The following RTRAF variants were observed in gnomAD, a reference collection of about 807,000 sequenced individuals.
RTRAF encodes RNA transcription, translation and transport factor.
In RTRAF, 14 loss-of-function variants were observed where a neutral mutation model predicts 34.4. The observed-to-expected ratio is 0.41, with a 90% CI of 0.27 to 0.64. The LOEUF (loss-of-function observed/expected upper bound fraction) is 0.64. Ranked by LOEUF, RTRAF falls within the 30% of genes least tolerant of loss-of-function variation. The pLI is 0.34. For missense variants in RTRAF, 291 were observed against 288.4 expected, an observed-to-expected ratio of 1.01 and a Z score of -0.06; for synonymous variants, 96 against 95.3, an observed-to-expected ratio of 1.01 and a Z score of -0.04.
In RTRAF at chr14:52,005,218, T is replaced by G; in HGVS notation, c.*702T>G. 2 of 345,326 alleles carry G rather than the reference T, an allele frequency of 5.8e-6. No homozygotes were observed. Among genetic ancestry groups the G allele is most frequent in the Middle Eastern group, 7.8e-4 (1 of 1,274 alleles). 21.4% of individuals were successfully genotyped at this position (345,326 alleles called of 1,614,324 possible). A position where few individuals can be genotyped will look rare whatever the true frequency, so the allele number is the denominator to read the frequency against. On this transcript the variant is annotated 3_prime_UTR_variant, in exon 8 of 8. Coordinates refer to ENST00000261700, the MANE Select transcript of RTRAF (RefSeq NM_016039.3). ...TCTTTTAAATATTAATGATAAATGTTTACAAGAAGTTGCTTTAATAAGCAA... is the reference window on the plus strand; with the variant it reads ...TCTTTTAAATATTAATGATAAATGTGTACAAGAAGTTGCTTTAATAAGCAA...
chr14:51,996,676 T>C (rs910360421), intron 3 of RTRAF, among the ~76,000 whole-genome samples: 8 of 152,036 alleles, frequency 5.3e-5, no homozygotes, highest in Non-Finnish European at 7.4e-5. Flanking sequence ...CTTTTTACTC[T>C]TAAACACTTT....
At chr14:52,004,268 CTA>C (rs769365008) in intron 7 of RTRAF, 26 bp downstream of exon 7, 31 of 1,609,524 alleles carry the variant, frequency 1.9e-5, no homozygotes, top group African/African-American at 4.1e-5. Flanking sequence ...TAAATTCAAA[CTA>C]TTTTTTTTAC....
At chr14:52,001,673 G>T (rs866686738) in intron 5 of RTRAF, 125 bp from the exon 6 acceptor site, 3 of 674,824 alleles carry the variant, frequency 4.4e-6, no homozygotes, top group Middle Eastern at 5.4e-4. Context: ...TTAATGGGGA[G>T]TTTATTAATG....
At position 52,008,785 on chromosome 14, in the gene RTRAF, G is replaced by C. The variant is rs1289585304; in HGVS notation, c.*4269G>C. The C allele has an allele frequency of 2.0e-5, 3 of 152,174 alleles. No individual in the cohort carries two copies. Among genetic ancestry groups the C allele is most frequent in the Non-Finnish European group, 2.9e-5 (2 of 68,028 alleles). The allele number at this position is 152,174 out of a possible 1,614,324, so 9.4% of individuals were successfully genotyped here. A position where few individuals can be genotyped will look rare whatever the true frequency, so the allele number is the denominator to read the frequency against. The stretch of plus-strand genomic sequence containing the variant: ...ATGGAACTTGAAGAGATGTGGACCA[G>C]GGATTTGAGAAGGAAACTGTTCTTT... On this transcript the variant is annotated 3_prime_UTR_variant, in exon 8 of 8. Coordinates refer to ENST00000261700, the MANE Select transcript of RTRAF (RefSeq NM_016039.3).
At position 52,005,525 on chromosome 14, in the gene RTRAF, G is replaced by A. The variant is rs1215014780; in HGVS notation, c.*1009G>A. 2 of 1,592,494 alleles carry A rather than the reference G, an allele frequency of 1.3e-6. No homozygotes were observed. The highest frequency in any genetic ancestry group is 1.8e-5 in the Admixed American group (1 of 55,576). On this transcript the variant is annotated 3_prime_UTR_variant, in exon 8 of 8. Coordinates refer to ENST00000261700, the MANE Select transcript of RTRAF (RefSeq NM_016039.3). ...TGAGAGAAGAGCAGGGGTGGGACAG[G>A]GTGGTGGGTGAGTATATTGTAACCA...
chr14:52,006,622 C>T lies in RTRAF; in HGVS notation c.*2106C>T, dbSNP rs960718658. The T allele has an allele frequency of 5.3e-5, 86 of 1,613,774 alleles. No individual in the cohort carries two copies. Among genetic ancestry groups the T allele is most frequent in the Non-Finnish European group, 7.0e-5 (83 of 1,179,800 alleles). Reference sequence around the variant, plus strand: ...AGGTTGTTTTGAATGACACGCCGTCCAGTTCCATCAGGTAGTGTACACTCC... The same window carrying T: ...AGGTTGTTTTGAATGACACGCCGTCTAGTTCCATCAGGTAGTGTACACTCC... On this transcript the variant is annotated 3_prime_UTR_variant, in exon 8 of 8. Coordinates refer to ENST00000261700, the MANE Select transcript of RTRAF (RefSeq NM_016039.3).
At chr14:51,992,237 T>A (rs964012786) in intron 2 of RTRAF, among the ~76,000 whole-genome samples, 21 of 152,222 alleles carry the variant, frequency 1.4e-4, no homozygotes, top group African/African-American at 5.1e-4. Flanking sequence ...TGTCATTTCT[T>A]ACATTAAACA....
At chr14:51,991,250 C>T in intron 1 of RTRAF, 67 bp from the exon 2 acceptor site, 1 of 1,474,676 alleles carries the variant, frequency 6.8e-7, no homozygotes, top group Non-Finnish European at 9.4e-7. Context: ...TATATCTGAA[C>T]ATATACCTGA....
chr14:51,992,452 CAT>C lies in RTRAF; in HGVS notation c.186+1013_186+1014del, dbSNP rs1890448493. On this transcript the variant is annotated intron_variant, in intron 2 of 7. Transcript: ENST00000261700. ...GTGAGGGTAACAATGATACCTATCT[CAT>C]AAGTGTGGCTTTGTTTTTAATGAGT... 4.6e-5 allele frequency among the ~76,000 whole-genome samples: 7 copies of C among 152,282 alleles called. No individual in the cohort carries two copies. The South Asian group carries it at 1.5e-3, about 32-fold the overall frequency.
chr14:51,993,108 A>G (rs543514104), intron 2 of RTRAF, among the ~76,000 whole-genome samples: 1 of 146,580 alleles, frequency 6.8e-6, no homozygotes, highest in Admixed American at 6.9e-5. Flanking sequence ...AACACCTGGA[A>G]TGACAGTAAG....
Position 52,006,153 on chromosome 14 carries a change from T to A in RTRAF, c.*1637T>A, listed in dbSNP as rs1296495019. 1 of 410,606 alleles carries A rather than the reference T, an allele frequency of 2.4e-6. No individual in the cohort carries two copies. Among genetic ancestry groups the A allele is most frequent in the Non-Finnish European group, 4.5e-6 (1 of 220,868 alleles). 25.4% of individuals were successfully genotyped at this position (410,606 alleles called of 1,614,324 possible). ...AACTAGTCTAAATAGTATTTTTCGG[T>A]CCCTCAGACAATATGTCCACAGTGT... On this transcript the variant is annotated 3_prime_UTR_variant, in exon 8 of 8. Coordinates refer to ENST00000261700, the MANE Select transcript of RTRAF (RefSeq NM_016039.3).
intron 6 of RTRAF, among the ~76,000 whole-genome samples, chr14:52,003,677 G>C (rs1890646548): frequency 6.6e-6 from 1 of 152,118 alleles, no homozygotes; most frequent in Non-Finnish European, 1.5e-5. Context: ...TTGTTTCAAA[G>C]TAACTTCCAA....
At chr14:51,995,503 C>T (rs142353677) in intron 3 of RTRAF, among the ~76,000 whole-genome samples, 3 of 152,196 alleles carry the variant, frequency 2.0e-5, no homozygotes, top group Non-Finnish European at 4.4e-5. Flanking sequence ...TTAATTTTAT[C>T]ATATTTGCAA....
In RTRAF at chr14:52,005,497, C is replaced by T; in HGVS notation, c.*981C>T. 1 of 1,598,000 alleles carries T rather than the reference C, an allele frequency of 6.3e-7. No individual in the cohort carries two copies. The highest frequency in any genetic ancestry group is 8.5e-7 in the Non-Finnish European group (1 of 1,173,998). ...TTACATTACTGTACTTACTTTCTTC[C>T]TGTGAGAGAAGAGCAGGGGTGGGAC... is the stretch of plus-strand genomic sequence containing the variant. On this transcript the variant is annotated 3_prime_UTR_variant, in exon 8 of 8. Transcript: ENST00000261700.
intron 3 of RTRAF, among the ~76,000 whole-genome samples, chr14:51,996,864 C>T (rs1890529436): frequency 6.6e-6 from 1 of 152,028 alleles, no homozygotes; most frequent in South Asian, 2.1e-4. Context: ...GTTGTTACAT[C>T]TGTCTTAGTA....
rs753889283 is a variant in RTRAF at position 51,991,377 on chromosome 14, A to G, written c.122A>G (p.Lys41Arg). The G allele has an allele frequency of 1.2e-6, 2 of 1,613,550 alleles. No homozygotes were observed. Among genetic ancestry groups the G allele is most frequent in the African/African-American group, 2.7e-5 (2 of 74,934 alleles). ...WLEDQKIRHY[K>R]IEDRGNLRNI... The stretch of plus-strand genomic sequence containing the variant: ...GAAGACCAGAAAATCAGGCACTACA[A>G]GATTGAAGACAGAGGGAATTTAAGA... Residue 41 changes from lysine to arginine, a missense_variant, in exon 2 of 8, where the codon AAG becomes AGG. By Grantham distance (26) the Lys-to-Arg change is conservative. Coordinates refer to ENST00000261700, the MANE Select transcript of RTRAF (RefSeq NM_016039.3).
rs113869191 is a variant in RTRAF, at chr14:52,004,545, C to CT, written c.*31dup. 210,229 of 1,602,044 alleles carry CT rather than the reference C, an allele frequency of 0.13. 15,092 individuals are homozygous for CT. The highest frequency in any genetic ancestry group is 0.23 in the African/African-American group (17,136 of 74,358). ...CTTGAGGACTTCAGCTTCTCACCTACTTAGTACAGTTGGGAACCATACACT... is the reference window on the plus strand; with the variant it reads ...CTTGAGGACTTCAGCTTCTCACCTACTTTAGTACAGTTGGGAACCATACACT... On this transcript the variant is annotated 3_prime_UTR_variant, in exon 8 of 8. Transcript: ENST00000261700.
chr14:52,004,472 G>A lies in RTRAF; in HGVS notation c.691G>A (p.Ala231Thr). ...CATAGTAGCTGTTCAGGCAATTATT[G>A]CTGATCCAAAGACAGACCACAGACT... is the stretch of plus-strand genomic sequence containing the variant. ...EAIVAVQAII[A>T]DPKTDHRLGK... The change falls in exon 8 of 8, where the codon GCT (alanine) becomes ACT (threonine). Residue 231 changes from alanine (A) to threonine (T), a missense_variant. Transcript: ENST00000261700. 6.2e-7 allele frequency: 1 copy of A among 1,613,952 alleles called. No homozygotes were observed. The highest frequency in any genetic ancestry group is 8.5e-7 in the Non-Finnish European group (1 of 1,179,894).
At chr14:51,999,613 C>T (rs1411648580) in intron 4 of RTRAF, 95 bp from the exon 5 acceptor site, 23 of 831,052 alleles carry the variant, frequency 2.8e-5, no homozygotes, top group East Asian at 5.3e-5. Context: ...TTGTTGCTAC[C>T]GAAAAGTTAA....
Sources: allele counts gnomAD v4.1 joint callset (sites outside exome capture counted in the v4.1 genomes callset), GRCh38; gene constraint gnomAD v4.1.1; transcripts MANE v1.5; gene names NCBI Gene and HGNC (gene_info 2026-07-23, HGNC 2026-07-21).